Variants in HCN1 observed in about 807,000 individuals in gnomAD.
HCN1 encodes the protein potassium/sodium hyperpolarization-activated cyclic nucleotide-gated channel 1.
HCN1 carries 13 observed loss-of-function variants against 78.9 expected under a neutral mutation model. The observed-to-expected ratio is 0.16, with a 90% confidence interval of 0.11 to 0.26. The LOEUF is 0.26. Among genes scored for constraint, HCN1 ranks in the 10% least tolerant of loss-of-function variants. The pLI is 1.00. For missense variants in HCN1, 810 were observed against 1,154.3 expected (o/e 0.70, Z 4.32); for synonymous variants, 552 against 455.5 (o/e 1.21, Z -2.70).
intron 6 of HCN1, among the ~76,000 whole-genome samples, chr5:45,286,004 TTCAGAGTTAAGGAACTAAA>T (rs1304757634): frequency 6.6e-6 from 1 of 151,898 alleles, no homozygotes; most frequent in Non-Finnish European, 1.5e-5. Context: ...TTTAAAGAAC[TTCAGAGTTAAGGAACTAAA>T]AAAAAACTAA....
At chr5:45,410,892 T>C (rs182337311) in intron 3 of HCN1, among the ~76,000 whole-genome samples, 8 of 152,196 alleles carry the variant, frequency 5.3e-5, no homozygotes, top group African/African-American at 1.7e-4. Flanking sequence ...CATTTAGCAT[T>C]GACGTCTAAA....
intron 2 of HCN1, among the ~76,000 whole-genome samples, chr5:45,474,396 G>A (rs942201731): frequency 7.2e-5 from 11 of 151,758 alleles, no homozygotes; most frequent in African/African-American, 2.7e-4. Flanking sequence ...ATCTCTCTCT[G>A]TAAAAATTTT....
chr5:45,284,857 C>A (rs1252905950), intron 6 of HCN1, among the ~76,000 whole-genome samples: 1 of 152,036 alleles, frequency 6.6e-6, no homozygotes, highest in Non-Finnish European at 1.5e-5. Context: ...AGATTTATTT[C>A]TCTTTTCTAT....
chr5:45,685,096 G>A (rs937719895), intron 1 of HCN1, among the ~76,000 whole-genome samples: 1 of 151,898 alleles, frequency 6.6e-6, no homozygotes, highest in East Asian at 1.9e-4. Flanking sequence ...ATTCTTTTAC[G>A]TTCCTAACTA....
chr5:45,603,921 T>C (rs1744674681), intron 2 of HCN1, among the ~76,000 whole-genome samples: 1 of 152,140 alleles, frequency 6.6e-6, no homozygotes, highest in African/African-American at 2.4e-5. Context: ...TATTATTGAA[T>C]AGGTTTATTT....
At chr5:45,583,473 C>A (rs760323322) in intron 2 of HCN1, among the ~76,000 whole-genome samples, 3 of 152,086 alleles carry the variant, frequency 2.0e-5, no homozygotes, top group Non-Finnish European at 4.4e-5. Flanking sequence ...TTTCAAAAAA[C>A]CAGCTTCTGG....
At chr5:45,298,869 G>T (rs1222979394) in intron 6 of HCN1, among the ~76,000 whole-genome samples, 1 of 151,990 alleles carries the variant, frequency 6.6e-6, no homozygotes, top group African/African-American at 2.4e-5. Context: ...ACTCAAGTTA[G>T]ATGATTAAGG....
intron 5 of HCN1, among the ~76,000 whole-genome samples, chr5:45,338,992 G>A (rs542462619): frequency 6.6e-6 from 1 of 152,198 alleles, no homozygotes; most frequent in East Asian, 1.9e-4. Flanking sequence ...TATTAGAAAA[G>A]CAAAAGCTGA....
Position 45,696,017 on chromosome 5 carries a change from G to T in HCN1, c.77C>A (p.Ser26Tyr). The T allele has an allele frequency of 7.6e-7, 1 of 1,310,224 alleles. No individual in the cohort carries two copies. Among genetic ancestry groups the T allele is most frequent in the Non-Finnish European group, 9.8e-7 (1 of 1,022,252 alleles). The allele number at this position is 1,310,224 out of a possible 1,614,324, so 81.2% of individuals were successfully genotyped here. Residue 26 changes from serine to tyrosine, a missense_variant, in exon 1 of 8, where the codon TCC becomes TAC. By Grantham distance (144) the Ser-to-Tyr change is moderately radical. This residue lies in a region of HCN1 where 170 missense variants were observed against 166.8 expected (regional missense o/e 1.02). Coordinates refer to ENST00000303230, the MANE Select transcript of HCN1 (RefSeq NM_021072.4). Reference protein sequence around the residue: ...DGNSVFPAKASATGAGPAAAE... With the variant: ...DGNSVFPAKAYATGAGPAAAE... ...CGCGGCCGGCCCCGCGCCCGTCGCG[G>T]ACGCCTTGGCGGGGAAGACGCTGTT...
rs1744728141 is a variant in HCN1, at chr5:45,261,041, G to C, written c.*880C>G. On this transcript the variant is annotated 3_prime_UTR_variant, in exon 8 of 8. Coordinates refer to ENST00000303230, the MANE Select transcript of HCN1 (RefSeq NM_021072.4). ...AAACATTGCAGGTTAAAATAATATT[G>C]TAGGTTTCAAGCCATTGCATTACAA... is the stretch of plus-strand genomic sequence containing the variant. The C allele has an allele frequency of 6.6e-6, 1 of 152,564 alleles. No homozygotes were observed. Among genetic ancestry groups the C allele is most frequent in the Non-Finnish European group, 1.5e-5 (1 of 68,026 alleles). 9.5% of individuals were successfully genotyped at this position (152,564 alleles called of 1,614,324 possible). A position where few individuals can be genotyped will look rare whatever the true frequency, so the allele number is the denominator to read the frequency against.
At chr5:45,346,500 C>T (rs1447700118) in intron 5 of HCN1, among the ~76,000 whole-genome samples, 1 of 152,130 alleles carries the variant, frequency 6.6e-6, no homozygotes, top group African/African-American at 2.4e-5. Flanking sequence ...TAGGGAGTAC[C>T]AGACAGTGGG....
chr5:45,418,517 C>A (rs1740162789), intron 3 of HCN1, among the ~76,000 whole-genome samples: 1 of 151,306 alleles, frequency 6.6e-6, no homozygotes, highest in African/African-American at 2.4e-5. Context: ...TTACATGCAG[C>A]TTTTAAGATC....
chr5:45,262,398 C>T lies in HCN1; in HGVS notation c.2196G>A (p.Gln732=). The change falls in exon 8 of 8, where the codon CAG becomes CAA. Residue 732 remains glutamine, a synonymous_variant. Coordinates refer to ENST00000303230, the MANE Select transcript of HCN1 (RefSeq NM_021072.4). The part of the protein sequence containing the change: ...PTASQLSLMQ[Q]QPQQQVQQSQ... ...ACTGCTGTACCTGCTGCTGCGGCTG[C>T]TGTTGCATGAGTGACAGCTGGGAGG... is the stretch of plus-strand genomic sequence containing the variant. 1 of 1,611,504 alleles carries T rather than the reference C, an allele frequency of 6.2e-7. No individual in the cohort carries two copies. Among genetic ancestry groups the T allele is most frequent in the Non-Finnish European group, 8.5e-7 (1 of 1,179,658 alleles).
At position 45,420,231 on chromosome 5, in the gene HCN1, C is replaced by T. The variant is rs567306783; in HGVS notation, c.1012-23521G>A. On this transcript the variant is annotated intron_variant, in intron 3 of 7. Transcript: ENST00000303230. The stretch of plus-strand genomic sequence containing the variant: ...CAGTTGGTATCTGTTTTTTTACATC[C>T]TTCTTGCATCCTGTGGCACACTACT... 1.4e-4 allele frequency among the ~76,000 whole-genome samples: 22 copies of T among 152,168 alleles called. No individual in the cohort carries two copies. The South Asian group carries it at 2.5e-3, about 17-fold the overall frequency.
intron 4 of HCN1, among the ~76,000 whole-genome samples, chr5:45,383,241 T>A (rs1019181715): frequency 2.0e-5 from 3 of 152,232 alleles, no homozygotes; most frequent in African/African-American, 4.8e-5. Flanking sequence ...GGGCATGTAT[T>A]CAGAATTCTG....
At chr5:45,550,242 T>C (rs1003915040) in intron 2 of HCN1, among the ~76,000 whole-genome samples, 3 of 151,934 alleles carry the variant, frequency 2.0e-5, no homozygotes, top group Admixed American at 6.6e-5. Flanking sequence ...GACTTGGAAC[T>C]AACCCAAATG....
intron 3 of HCN1, among the ~76,000 whole-genome samples, chr5:45,452,131 A>G (rs1221227854): frequency 6.6e-6 from 1 of 151,970 alleles, no homozygotes; most frequent in East Asian, 1.9e-4. Context: ...TTCCCTACAC[A>G]ATTTTTATCA....
chr5:45,411,822 C>T (rs941720773), intron 3 of HCN1, among the ~76,000 whole-genome samples: 3 of 151,990 alleles, frequency 2.0e-5, no homozygotes, highest in African/African-American at 7.2e-5. Context: ...TTACTTAATG[C>T]CAACAGTTCC....
At chr5:45,524,232 C>T (rs1235114988) in intron 2 of HCN1, among the ~76,000 whole-genome samples, 4 of 151,980 alleles carry the variant, frequency 2.6e-5, no homozygotes, top group African/African-American at 7.2e-5. Flanking sequence ...CTCTGTTTTG[C>T]TACCAGTACT....
Sources: gnomAD v4.1 joint callset for allele counts (sites outside exome capture counted in the v4.1 genomes callset) on GRCh38, gnomAD v4.1.1 for gene constraint, gnomAD v4.1.1 regional missense constraint, MANE v1.5 for transcripts, NCBI Gene and HGNC (gene_info 2026-07-23, HGNC 2026-07-21) for gene names.